Variants in ACP3 observed in about 807,000 individuals in gnomAD.
The protein encoded by ACP3 is acid phosphatase 3.
Under a neutral mutation model 45.6 loss-of-function variants are expected in ACP3, and 38 were observed. The observed-to-expected ratio is 0.83, with a 90% CI of 0.64 to 1.09. ACP3 has a LOEUF of 1.09. Ranked by LOEUF, ACP3 falls within the 50% of genes least tolerant of loss-of-function variation. The pLI is 0.00. For synonymous variants in ACP3, 162 were observed against 164.7 expected (o/e 0.98, Z 0.13); for missense variants, 466 against 463.2 (o/e 1.01, Z -0.05).
rs1284680629 is a variant in ACP3 at position 132,358,388 on chromosome 3, A to C, written c.*1510A>C. ...GAATGTGTAAGTCTTTAATGCCGAT[A>C]TCTTCAGAAAACCTAAGCAAACTTA... On this transcript the variant is annotated 3_prime_UTR_variant, in exon 10 of 10. Coordinates refer to ENST00000336375, the MANE Select transcript of ACP3 (RefSeq NM_001099.5). 1 of 1,240,672 alleles carries C rather than the reference A, an allele frequency of 8.1e-7. No individual in the cohort carries two copies. Among genetic ancestry groups the C allele is most frequent in the Non-Finnish European group, 1.0e-6 (1 of 957,640 alleles). 76.9% of individuals were successfully genotyped at this position (1,240,672 alleles called of 1,614,324 possible). A position where few individuals can be genotyped will look rare whatever the true frequency, so the allele number is the denominator to read the frequency against.
intron 6 of ACP3, 26 bp from the exon 7 acceptor site, chr3:132,344,901 T>G (rs1937591664): frequency 6.2e-7 from 1 of 1,610,510 alleles, no homozygotes; most frequent in African/African-American, 1.3e-5. Flanking sequence ...TACACATACA[T>G]TTTTCTTCCT....
downstream of ACP3, among the ~76,000 whole-genome samples, chr3:132,362,847 AG>A (rs1179207784): frequency 2.0e-5 from 3 of 152,224 alleles, no homozygotes; most frequent in African/African-American, 7.2e-5. Flanking sequence ...GAGGCTGCAG[AG>A]GCAAGCACTA....
At chr3:132,354,651 G>C (rs1272424611) in intron 9 of ACP3, among the ~76,000 whole-genome samples, 1 of 152,168 alleles carries the variant, frequency 6.6e-6, no homozygotes, top group Non-Finnish European at 1.5e-5. Flanking sequence ...GATACGGAGA[G>C]AGACAGAAAG....
downstream of ACP3, among the ~76,000 whole-genome samples, chr3:132,359,963 C>G (rs1938009348): frequency 6.6e-6 from 1 of 152,164 alleles, no homozygotes; most frequent in Non-Finnish European, 1.5e-5. Context: ...TGTTAAGAGT[C>G]TGTGACATGA....
At chr3:132,326,214 A>G (rs1937296229) in intron 1 of ACP3, among the ~76,000 whole-genome samples, 1 of 152,192 alleles carries the variant, frequency 6.6e-6, no homozygotes, top group African/African-American at 2.4e-5. Context: ...AACCCCCACA[A>G]CAAAGAATTA....
downstream of ACP3, among the ~76,000 whole-genome samples, chr3:132,362,337 G>A (rs1184914929): frequency 1.3e-5 from 2 of 152,140 alleles, no homozygotes; most frequent in African/African-American, 2.4e-5. Flanking sequence ...ACTGTGTCTT[G>A]TGGACTACTT....
Position 132,325,559 on chromosome 3 carries a change from G to A in ACP3, c.121-2708G>A, listed in dbSNP as rs145729196. 2.7e-3 allele frequency among the ~76,000 whole-genome samples: 356 copies of A among 132,356 alleles called. 2 individuals carry two copies. The highest frequency in any genetic ancestry group is 0.01 in the African/African-American group (342 of 33,908). 86.8% of individuals were successfully genotyped at this position (132,356 alleles called of 152,430 possible). A position where few individuals can be genotyped will look rare whatever the true frequency, so the allele number is the denominator to read the frequency against. On this transcript the variant is annotated intron_variant, in intron 1 of 9. Coordinates refer to ENST00000336375, the MANE Select transcript of ACP3 (RefSeq NM_001099.5). ...CATAGTTCACAGTGCCTTCGGGGTA[G>A]TTTCCGTATCAAGGTTTTGGTTTCT... is the stretch of plus-strand genomic sequence containing the variant.
rs114189138 is a variant in ACP3 at position 132,322,460 on chromosome 3, A to C, written c.120+4884A>C. 3.0e-3 allele frequency among the ~76,000 whole-genome samples: 462 copies of C among 152,358 alleles called. 1 individual carries two copies. Among genetic ancestry groups the C allele is most frequent in the African/African-American group, 0.01 (436 of 41,580 alleles). On this transcript the variant is annotated intron_variant, in intron 1 of 9. Coordinates refer to ENST00000336375, the MANE Select transcript of ACP3 (RefSeq NM_001099.5). ...TTATTTCTTAGGTCCTAAAAGAAGA[A>C]AATAAAATAGACTTCTACTCATAGT...
Position 132,352,611 on chromosome 3 carries a change from C to A in ACP3, c.865-109C>A, listed in dbSNP as rs569648507. 8.1e-4 allele frequency: 602 copies of A among 747,686 alleles called. 10 individuals carry two copies. The South Asian group carries it at 8.7e-3, about 11-fold the overall frequency. The allele number at this position is 747,686 out of a possible 1,614,324, so 46.3% of individuals were successfully genotyped here. A position where few individuals can be genotyped will look rare whatever the true frequency, so the allele number is the denominator to read the frequency against. On this transcript the variant is annotated intron_variant, in intron 8 of 9. Coordinates refer to ENST00000336375, the MANE Select transcript of ACP3 (RefSeq NM_001099.5). ...TCTCTACTTATTAAGTCATTGTGGGCGTATGGGAAATTTAATTGAATCAGA... is the reference window on the plus strand; with the variant it reads ...TCTCTACTTATTAAGTCATTGTGGGAGTATGGGAAATTTAATTGAATCAGA...
Position 132,356,937 on chromosome 3 carries a change from T to G in ACP3, c.*59T>G. 3 of 1,547,220 alleles carry G rather than the reference T, an allele frequency of 1.9e-6. No individual in the cohort carries two copies. The highest frequency in any genetic ancestry group is 2.6e-6 in the Non-Finnish European group (3 of 1,145,590). On this transcript the variant is annotated 3_prime_UTR_variant, in exon 10 of 10. Transcript: ENST00000336375. ...CCCTTTCTCAGGGCAGATGATGCTT[T>G]GAGAACATACTTTGGCCATTACCCC... is the stretch of plus-strand genomic sequence containing the variant.
At chr3:132,340,708 G>C (rs1457280698) in intron 5 of ACP3, among the ~76,000 whole-genome samples, 1 of 151,960 alleles carries the variant, frequency 6.6e-6, no homozygotes, top group African/African-American at 2.4e-5. Flanking sequence ...ATTCCCATAG[G>C]TGTGGGGTCT....
chr3:132,358,443 A>T lies in ACP3; in HGVS notation c.*1565A>T, dbSNP rs1189601891. 1 of 1,274,998 alleles carries T rather than the reference A, an allele frequency of 7.8e-7. No individual in the cohort carries two copies. The highest frequency in any genetic ancestry group is 1.0e-6 in the Non-Finnish European group (1 of 980,504). The allele number at this position is 1,274,998 out of a possible 1,614,324, so 79.0% of individuals were successfully genotyped here. A position where few individuals can be genotyped will look rare whatever the true frequency, so the allele number is the denominator to read the frequency against. On this transcript the variant is annotated 3_prime_UTR_variant, in exon 10 of 10. Coordinates refer to ENST00000336375, the MANE Select transcript of ACP3 (RefSeq NM_001099.5). ...TCCTGCTGAAACTGCCCACTCTGCA[A>T]GAAGAAATCATGATATAGCTTTGCC...
At chr3:132,367,137 A>G (rs1938145001) in intron 10 of ACP3, among the ~76,000 whole-genome samples, 2 of 152,258 alleles carry the variant, frequency 1.3e-5, no homozygotes, top group South Asian at 4.1e-4. Context: ...GCATCTCATT[A>G]CGAAATGGCC....
At chr3:132,355,155 A>G (rs1416839871) in intron 9 of ACP3, among the ~76,000 whole-genome samples, 1 of 152,236 alleles carries the variant, frequency 6.6e-6, no homozygotes, top group Non-Finnish European at 1.5e-5. Flanking sequence ...GTAGAAAGGA[A>G]TGAAAGGGTG....
chr3:132,367,733 T>A, exon 11 of ACP3: 2 of 1,613,740 alleles, frequency 1.2e-6, no homozygotes, highest in Non-Finnish European at 8.5e-7. Flanking sequence ...TGTTGCCTTT[T>A]GCCTGATATC....
At chr3:132,345,639 G>A (rs1937600736) in intron 7 of ACP3, among the ~76,000 whole-genome samples, 3 of 152,316 alleles carry the variant, frequency 2.0e-5, no homozygotes, top group African/African-American at 7.2e-5. Flanking sequence ...TTATAACACA[G>A]CTTGAAATTT....
intron 4 of ACP3, among the ~76,000 whole-genome samples, chr3:132,332,909 G>A (rs1396762039): frequency 6.6e-6 from 1 of 152,174 alleles, no homozygotes; most frequent in Non-Finnish European, 1.5e-5. Flanking sequence ...TGCTTGGAGA[G>A]GTTAAATAAC....
At chr3:132,359,550 C>G (rs74281870), downstream of ACP3, among the ~76,000 whole-genome samples, 12,117 of 152,020 alleles carry the variant, frequency 0.08, 1,062 homozygotes, top group East Asian at 0.47. Flanking sequence ...ACCTTTTCCC[C>G]TGACCCTACT....
intron 4 of ACP3, among the ~76,000 whole-genome samples, chr3:132,332,896 A>C (rs1375904808): frequency 6.6e-6 from 1 of 152,234 alleles, no homozygotes; most frequent in Non-Finnish European, 1.5e-5. Context: ...TGAGGGAAAT[A>C]AGTGCTTGGA....
Sources: gnomAD v4.1 joint callset for allele counts (sites outside exome capture counted in the v4.1 genomes callset) on GRCh38, gnomAD v4.1.1 for gene constraint, MANE v1.5 for transcripts, NCBI Gene and HGNC (gene_info 2026-07-23, HGNC 2026-07-21) for gene names.